The following KLHL29 variants were observed in gnomAD, a reference collection of about 807,000 sequenced individuals.
KLHL29 encodes the protein kelch like family member 29.
In KLHL29, 21 loss-of-function variants were observed where a neutral mutation model predicts 80.4. The ratio of observed to expected loss-of-function variants is 0.26; its 90% CI spans 0.19 to 0.38. The LOEUF (loss-of-function observed/expected upper bound fraction) is 0.38, where lower values mean the gene tolerates loss of function less well. Among genes scored for constraint, KLHL29 ranks in the 10% least tolerant of loss-of-function variants. KLHL29 has a pLI of 1.00. For synonymous variants in KLHL29, 511 were observed against 526.8 expected (o/e 0.97, Z 0.41); for missense variants, 867 against 1,223.9 (o/e 0.71, Z 4.35).
At chr2:23,693,149 A>G in intron 7 of KLHL29, 120 bp from the exon 8 acceptor site, 3 of 1,115,804 alleles carry the variant, frequency 2.7e-6, no homozygotes, top group Non-Finnish European at 2.4e-6. Flanking sequence ...GACTCTGGAC[A>G]CTGCAGTCAG....
chr2:23,441,602 C>T (rs1663526241), intron 1 of KLHL29, among the ~76,000 whole-genome samples: 1 of 152,076 alleles, frequency 6.6e-6, no homozygotes, highest in Non-Finnish European at 1.5e-5. Flanking sequence ...AAGGATGGTT[C>T]ATGTTTGCTC....
At chr2:23,509,572 G>A (rs1665709387) in intron 2 of KLHL29, among the ~76,000 whole-genome samples, 2 of 151,824 alleles carry the variant, frequency 1.3e-5, no homozygotes, top group Admixed American at 1.3e-4. Context: ...AAAAAAAAAT[G>A]AATTACTGAA....
At chr2:23,661,357 C>T (rs1038901061) in intron 5 of KLHL29, among the ~76,000 whole-genome samples, 2 of 113,190 alleles carry the variant, frequency 1.8e-5, no homozygotes, top group Non-Finnish European at 4.0e-5. Context: ...AAAAAAAAAA[C>T]CATGAAAAAT....
In KLHL29 at chr2:23,525,059, TCTC is replaced by T. The variant is rs374917201; in HGVS notation, c.-45-37089_-45-37087del. Among the ~76,000 whole-genome samples, 46 of 152,354 alleles carry T rather than the reference TCTC, an allele frequency of 3.0e-4. 1 individual carries two copies. Among genetic ancestry groups the T allele is most frequent in the African/African-American group, 1.0e-3 (43 of 41,582 alleles). Reference sequence around the variant, plus strand: ...ATGAATGAGATTTGTTTTTAAAAGATCTCCTCAAATCAGCTGAGCACTCCAGGT... The same window carrying T: ...ATGAATGAGATTTGTTTTTAAAAGATCTCAAATCAGCTGAGCACTCCAGGT... On this transcript the variant is annotated intron_variant, in intron 2 of 13. Coordinates refer to ENST00000486442, the MANE Select transcript of KLHL29 (RefSeq NM_052920.2).
chr2:23,627,910 C>CTTTTTT (rs10624746), intron 3 of KLHL29, among the ~76,000 whole-genome samples: 64,246 of 120,104 alleles, frequency 0.53, 19,216 homozygotes, highest in East Asian at 0.9. Flanking sequence ...GGCCAGGAGT[C>CTTTTTT]TTTTTTTTTT....
chr2:23,389,445 G>C (rs1238350949), intron 1 of KLHL29, among the ~76,000 whole-genome samples: 1 of 152,194 alleles, frequency 6.6e-6, no homozygotes, highest in Admixed American at 6.5e-5. Context: ...AACCAACTTT[G>C]TGATTCTGTA....
chr2:23,504,378 G>A (rs375807209), intron 2 of KLHL29, among the ~76,000 whole-genome samples: 16 of 152,338 alleles, frequency 1.1e-4, no homozygotes, highest in African/African-American at 3.4e-4. Context: ...GCCACTTCTA[G>A]GCACTAAGAA....
chr2:23,418,400 G>A (rs539933384), intron 1 of KLHL29, among the ~76,000 whole-genome samples: 24 of 152,166 alleles, frequency 1.6e-4, no homozygotes, highest in African/African-American at 5.1e-4. Flanking sequence ...TCCCACCCCC[G>A]TCCAAGCAAT....
intron 3 of KLHL29, among the ~76,000 whole-genome samples, chr2:23,623,672 C>T (rs1480269934): frequency 6.6e-6 from 1 of 152,154 alleles, no homozygotes; most frequent in Admixed American, 6.5e-5. Flanking sequence ...AAGGCTGGGG[C>T]TGTGTGGGTT....
intron 3 of KLHL29, among the ~76,000 whole-genome samples, chr2:23,571,170 C>T (rs886630856): frequency 3.9e-5 from 6 of 152,352 alleles, no homozygotes; most frequent in East Asian, 1.9e-4. Flanking sequence ...AGACTGATGG[C>T]GAACATGACC....
chr2:23,546,199 G>A (rs1414845086), intron 2 of KLHL29, among the ~76,000 whole-genome samples: 1 of 152,238 alleles, frequency 6.6e-6, no homozygotes, highest in Non-Finnish European at 1.5e-5. Context: ...ACATGTGACT[G>A]TGGGCAGGGA....
chr2:23,654,699 G>C (rs994861929), intron 5 of KLHL29, among the ~76,000 whole-genome samples: 2 of 118,940 alleles, frequency 1.7e-5, no homozygotes, highest in Non-Finnish European at 3.8e-5. Context: ...CAGAGGTTGG[G>C]GGGGGGGGGT....
At chr2:23,557,134 G>A (rs1667318392) in intron 2 of KLHL29, among the ~76,000 whole-genome samples, 1 of 152,188 alleles carries the variant, frequency 6.6e-6, no homozygotes, top group Non-Finnish European at 1.5e-5. Context: ...TGCTTGACCA[G>A]TCTCGTCTAA....
At chr2:23,414,471 G>A (rs1381943695) in intron 1 of KLHL29, among the ~76,000 whole-genome samples, 1 of 152,250 alleles carries the variant, frequency 6.6e-6, no homozygotes, top group African/African-American at 2.4e-5. Context: ...CCAGTGGCAG[G>A]GGAAGCAGGT....
At chr2:23,566,970 A>G (rs1667603971) in intron 3 of KLHL29, among the ~76,000 whole-genome samples, 2 of 152,266 alleles carry the variant, frequency 1.3e-5, no homozygotes, top group East Asian at 1.9e-4. Context: ...GCCTGTCCCC[A>G]TCCCCTGTCT....
chr2:23,642,985 G>C, intron 5 of KLHL29, 135 bp downstream of exon 5: 2 of 1,047,498 alleles, frequency 1.9e-6, no homozygotes, highest in Non-Finnish European at 2.9e-6. Context: ...GGCTGCAGTG[G>C]AGCCTCCACC....
intron 2 of KLHL29, among the ~76,000 whole-genome samples, chr2:23,501,631 T>G (rs983108413): frequency 6.6e-6 from 1 of 152,218 alleles, no homozygotes; most frequent in Non-Finnish European, 1.5e-5. Flanking sequence ...CTAGTAAAAC[T>G]AAAAACGTTT....
At chr2:23,390,761 C>T (rs1231190086) in intron 1 of KLHL29, among the ~76,000 whole-genome samples, 5 of 149,792 alleles carry the variant, frequency 3.3e-5, no homozygotes, top group African/African-American at 1.2e-4. Context: ...ATGAGATTCT[C>T]CTGCCTCAGC....
intron 3 of KLHL29, chr2:23,616,449 T>C (rs1572440921): frequency 6.6e-6 from 1 of 152,336 alleles, no homozygotes; most frequent in South Asian, 2.1e-4. Context: ...TCTCTAAATG[T>C]TGTCCTCGCC....
Sources: allele counts gnomAD v4.1 joint callset (sites outside exome capture counted in the v4.1 genomes callset), GRCh38; gene constraint gnomAD v4.1.1; transcripts MANE v1.5; gene names NCBI Gene and HGNC (gene_info 2026-07-23, HGNC 2026-07-21).